The following MPHOSPH9 variants were observed in gnomAD, a reference collection of about 807,000 sequenced individuals.
MPHOSPH9 encodes M-phase phosphoprotein 9.
Under a neutral mutation model 145.5 loss-of-function variants are expected in MPHOSPH9, and 88 were observed. The observed-to-expected ratio is 0.60, with a 90% CI of 0.51 to 0.72. MPHOSPH9 has a LOEUF of 0.72. Ranked by LOEUF, MPHOSPH9 falls within the 30% of genes least tolerant of loss-of-function variation. The pLI, the probability that MPHOSPH9 is intolerant of heterozygous loss-of-function variation, is 0.00. For missense variants in MPHOSPH9, 1,238 were observed against 1,386.6 expected (o/e 0.89, Z 1.70); for synonymous variants, 435 against 486.2 (o/e 0.89, Z 1.39).
chr12:123,198,180 T>C (rs2046059089), intron 12 of MPHOSPH9, 67 bp downstream of exon 12: 3 of 1,182,228 alleles, frequency 2.5e-6, no homozygotes, highest in Non-Finnish European at 3.7e-6. Context: ...ACAAGAAACA[T>C]AACTGATGTT....
At chr12:123,182,065 C>G (rs531871441) in intron 13 of MPHOSPH9, among the ~76,000 whole-genome samples, 1 of 151,796 alleles carries the variant, frequency 6.6e-6, no homozygotes, top group Admixed American at 6.6e-5. Context: ...CTCAGCCTCC[C>G]GAGTAGCTGG....
rs1487420494 is a variant in MPHOSPH9, at chr12:123,218,371, C to T, written c.996+5G>A. ...AGCCCGCAGGGAAAGTGACTAGTCA[C>T]CTACTTTCTCAATTGGTGTCTTCTT... On this transcript the variant is annotated splice_donor_5th_base_variant and intron_variant, in intron 6 of 23. Coordinates refer to ENST00000606320, the MANE Select transcript of MPHOSPH9 (RefSeq NM_022782.4). 1 of 1,613,888 alleles carries T rather than the reference C, an allele frequency of 6.2e-7. No individual in the cohort carries two copies. The highest frequency in any genetic ancestry group is 8.5e-7 in the Non-Finnish European group (1 of 1,179,822).
At chr12:123,164,370 A>G (rs751162625) in intron 18 of MPHOSPH9, among the ~76,000 whole-genome samples, 7 of 152,348 alleles carry the variant, frequency 4.6e-5, no homozygotes, top group Non-Finnish European at 5.9e-5. Flanking sequence ...GTGATTTTCA[A>G]GAGGGTTATT....
intron 22 of MPHOSPH9, 65 bp downstream of exon 22, chr12:123,161,071 C>T: frequency 6.4e-7 from 1 of 1,560,802 alleles, no homozygotes. Flanking sequence ...TCAATAATTC[C>T]CTTCTCCTTA....
At chr12:123,242,054 G>T (rs2047948334) in intron 1 of MPHOSPH9, among the ~76,000 whole-genome samples, 1 of 152,096 alleles carries the variant, frequency 6.6e-6, no homozygotes, top group Non-Finnish European at 1.5e-5. Flanking sequence ...GACTCTTTAG[G>T]CTCTCTGAAG....
rs1727306 is a variant in MPHOSPH9, at chr12:123,181,148, A to G, written c.2289+15T>C. The stretch of plus-strand genomic sequence containing the variant: ...CCTCTGCATGAAATCTAGAACATGA[A>G]CCATTACCCCTTACCTTTACTCTCC... On this transcript the variant is annotated intron_variant, in intron 14 of 23. Coordinates refer to ENST00000606320, the MANE Select transcript of MPHOSPH9 (RefSeq NM_022782.4). 1,222,390 of 1,596,094 alleles carry G rather than the reference A, an allele frequency of 0.77. 480,562 individuals carry two copies. Among genetic ancestry groups the G allele is most frequent in the East Asian group, 1 (44,739 of 44,790 alleles).
chr12:123,215,111 G>A (rs950216076), intron 6 of MPHOSPH9, among the ~76,000 whole-genome samples: 7 of 152,104 alleles, frequency 4.6e-5, no homozygotes, highest in Non-Finnish European at 8.8e-5. Context: ...GCGCAGTGGC[G>A]GGTGCCTATA....
At chr12:123,217,647 T>C (rs2138548993) in intron 6 of MPHOSPH9, among the ~76,000 whole-genome samples, 1 of 152,290 alleles carries the variant, frequency 6.6e-6, no homozygotes, top group Admixed American at 6.5e-5. Flanking sequence ...AATGATTCAT[T>C]TTCATAATAT....
At chr12:123,239,720 T>C (rs976258570) in intron 1 of MPHOSPH9, among the ~76,000 whole-genome samples, 3 of 152,184 alleles carry the variant, frequency 2.0e-5, no homozygotes, top group Non-Finnish European at 2.9e-5. Context: ...TTAGTTTCTA[T>C]TGGACACCAC....
At chr12:123,236,452 G>A (rs949326805), upstream of MPHOSPH9, among the ~76,000 whole-genome samples, 3 of 151,934 alleles carry the variant, frequency 2.0e-5, no homozygotes, top group African/African-American at 7.3e-5. Context: ...AACTAGCCAG[G>A]TATGGTGGTA....
intron 23 of MPHOSPH9, among the ~76,000 whole-genome samples, chr12:123,158,294 C>T (rs1030052787): frequency 1.3e-5 from 2 of 152,056 alleles, no homozygotes; most frequent in African/African-American, 2.4e-5. Context: ...TGCACCCAGC[C>T]GTGTATCATT....
intron 18 of MPHOSPH9, 33 bp downstream of exon 18, chr12:123,165,269 A>C (rs1333521678): frequency 1.3e-6 from 2 of 1,529,066 alleles, no homozygotes; most frequent in South Asian, 2.4e-5. Context: ...AAAGATATCT[A>C]TATCCATCTA....
chr12:123,189,043 T>C (rs1267738196), intron 13 of MPHOSPH9, among the ~76,000 whole-genome samples: 1 of 151,902 alleles, frequency 6.6e-6, no homozygotes, highest in Non-Finnish European at 1.5e-5. Context: ...CTCAAAAAAA[T>C]AGAATGTGGT....
chr12:123,228,882 T>C (rs1298467799), intron 2 of MPHOSPH9, among the ~76,000 whole-genome samples: 1 of 152,212 alleles, frequency 6.6e-6, no homozygotes, highest in Non-Finnish European at 1.5e-5. Context: ...AGGAATATCT[T>C]CTAGAAGTGT....
intron 3 of MPHOSPH9, among the ~76,000 whole-genome samples, chr12:123,226,508 A>C (rs1316616968): frequency 1.3e-5 from 2 of 151,872 alleles, no homozygotes; most frequent in East Asian, 3.9e-4. Context: ...CTATGAAATA[A>C]AATTTATATA....
At chr12:123,242,574 G>A (rs2047957745) in intron 1 of MPHOSPH9, among the ~76,000 whole-genome samples, 1 of 152,164 alleles carries the variant, frequency 6.6e-6, no homozygotes, top group Admixed American at 6.6e-5. Context: ...TACTAAAAGT[G>A]TCTAGAATTG....
At chr12:123,229,802 T>TA (rs2047569371) in intron 2 of MPHOSPH9, among the ~76,000 whole-genome samples, 1 of 149,620 alleles carries the variant, frequency 6.7e-6, no homozygotes, top group African/African-American at 2.4e-5. Flanking sequence ...ATTCCTGACT[T>TA]AAACATCTGT....
intron 1 of MPHOSPH9, among the ~76,000 whole-genome samples, chr12:123,240,092 G>A (rs986389922): frequency 6.6e-6 from 1 of 151,748 alleles, no homozygotes; most frequent in African/African-American, 2.4e-5. Flanking sequence ...CGCCGGGCAA[G>A]GTGGCTCACG....
chr12:123,207,592 G>A (rs2046491751), intron 8 of MPHOSPH9, among the ~76,000 whole-genome samples: 1 of 152,136 alleles, frequency 6.6e-6, no homozygotes, highest in Non-Finnish European at 1.5e-5. Flanking sequence ...ACTAGCTCAT[G>A]CCTGTAATTC....
Sources: gnomAD v4.1 joint callset for allele counts (sites outside exome capture counted in the v4.1 genomes callset) on GRCh38, gnomAD v4.1.1 for gene constraint, MANE v1.5 for transcripts, NCBI Gene and HGNC (gene_info 2026-07-23, HGNC 2026-07-21) for gene names.